Variants in ATP11B observed in about 807,000 individuals in gnomAD.
ATP11B encodes the protein phospholipid-transporting ATPase IF.
ATP11B carries 81 observed loss-of-function variants against 157.8 expected under a neutral mutation model. That is an observed-to-expected ratio of 0.51 (90% CI 0.43 to 0.62). ATP11B has a LOEUF of 0.62. Among genes scored for constraint, ATP11B ranks in the 20% least tolerant of loss-of-function variants. The pLI is 0.00. For missense variants in ATP11B, 1,165 were observed against 1,402.2 expected (o/e 0.83, Z 2.70); for synonymous variants, 451 against 469.4 (o/e 0.96, Z 0.51).
intron 2 of ATP11B, 80 bp downstream of exon 2, chr3:182,820,456 A>T: frequency 1.0e-6 from 1 of 959,772 alleles, no homozygotes; most frequent in Non-Finnish European, 1.7e-6. Flanking sequence ...GGCCAAGGCG[A>T]GAGGATCGGT....
chr3:182,884,299 TTA>T (rs1372786852), intron 21 of ATP11B, among the ~76,000 whole-genome samples: 1 of 152,148 alleles, frequency 6.6e-6, no homozygotes, highest in Admixed American at 6.5e-5. Context: ...GCACTTTGAC[TTA>T]TTCATGGAAG....
chr3:182,859,013 T>C, intron 11 of ATP11B, 149 bp from the exon 12 acceptor site: 1 of 516,414 alleles, frequency 1.9e-6, no homozygotes. Flanking sequence ...GACAATTCAA[T>C]AAATGAATTT....
intron 1 of ATP11B, among the ~76,000 whole-genome samples, chr3:182,816,357 G>A (rs1267590457): frequency 6.6e-6 from 1 of 152,196 alleles, no homozygotes; most frequent in African/African-American, 2.4e-5. Flanking sequence ...GCATTAAGGG[G>A]TTGAGGGTGT....
chr3:182,906,777 TAAA>T (rs111914016), intron 28 of ATP11B, among the ~76,000 whole-genome samples: 41,947 of 133,578 alleles, frequency 0.31, 6,396 homozygotes, highest in East Asian at 0.57. Flanking sequence ...GTATCTGTTT[TAAA>T]AAAAAAAAAA....
intron 17 of ATP11B, among the ~76,000 whole-genome samples, chr3:182,871,757 CT>C (rs1287838865): frequency 1.2e-4 from 18 of 151,946 alleles, no homozygotes. Flanking sequence ...ATAGGATAGT[CT>C]TTATGATCTA....
intron 2 of ATP11B, among the ~76,000 whole-genome samples, chr3:182,822,291 C>T (rs184401163): frequency 6.4e-4 from 98 of 152,170 alleles, no homozygotes; most frequent in African/African-American, 2.3e-3. Context: ...CGAGAGGCCC[C>T]AGTGTGTGAT....
rs942984211 is a variant in ATP11B, at chr3:182,793,697, G to T, written c.-63G>T. The T allele has an allele frequency of 1.6e-5, 19 of 1,224,964 alleles. No individual in the cohort carries two copies. The highest frequency in any genetic ancestry group is 1.9e-5 in the Non-Finnish European group (17 of 912,790). The allele number at this position is 1,224,964 out of a possible 1,614,324, so 75.9% of individuals were successfully genotyped here. A position where few individuals can be genotyped will look rare whatever the true frequency, so the allele number is the denominator to read the frequency against. ...CGCCCGCTCCCGCCTCTGTCTTGTC[G>T]GCCTCCACCTGCAGCCCCGCGGCCC... is the stretch of plus-strand genomic sequence containing the variant. On this transcript the variant is annotated 5_prime_UTR_variant, in exon 1 of 30. Transcript: ENST00000323116.
rs1207631894 is a variant in ATP11B at position 182,872,413 on chromosome 3, G to A, written c.1924G>A (p.Glu642Lys). The A allele has an allele frequency of 1.2e-6, 2 of 1,613,818 alleles. No homozygotes were observed. The highest frequency in any genetic ancestry group is 1.7e-6 in the Non-Finnish European group (2 of 1,179,884). ...AAAATTTACATCAAAAGAGTATGAG[G>A]AAATAGATAAACGCATATTTGAAGC... is the stretch of plus-strand genomic sequence containing the variant. ...YRKFTSKEYE[E>K]IDKRIFEART... The change falls in exon 18 of 30, where the codon GAA becomes AAA. Residue 642 changes from glutamate (E) to lysine (K), a missense_variant. Glu to Lys is a moderately conservative substitution (Grantham distance 56, BLOSUM62 1). Coordinates refer to ENST00000323116, the MANE Select transcript of ATP11B (RefSeq NM_014616.3).
chr3:182,808,470 T>A (rs1002473729), intron 1 of ATP11B, among the ~76,000 whole-genome samples: 32 of 152,112 alleles, frequency 2.1e-4, no homozygotes, highest in African/African-American at 7.5e-4. Context: ...ATTTTTTTTT[T>A]AAAGAGGGAA....
chr3:182,853,740 T>G (rs575963871), intron 10 of ATP11B, among the ~76,000 whole-genome samples: 1 of 152,148 alleles, frequency 6.6e-6, no homozygotes, highest in South Asian at 2.1e-4. Flanking sequence ...ACTGTGTAGA[T>G]TCCCTCAGTC....
At chr3:182,881,019 T>A in intron 21 of ATP11B, 38 bp downstream of exon 21, 2 of 1,440,456 alleles carry the variant, frequency 1.4e-6, no homozygotes, top group Non-Finnish European at 1.9e-6. Context: ...CCTGAACTTT[T>A]AAAGTTGGTG....
At chr3:182,868,352 G>A (rs1425060871) in intron 15 of ATP11B, among the ~76,000 whole-genome samples, 1 of 148,256 alleles carries the variant, frequency 6.7e-6, no homozygotes, top group South Asian at 2.2e-4. Context: ...ATACTAGATA[G>A]GGCCCATTCT....
At chr3:182,844,449 C>A in intron 8 of ATP11B, 3 of 517,156 alleles carry the variant, frequency 5.8e-6, no homozygotes, top group Non-Finnish European at 7.5e-6. Context: ...AAAATAATTG[C>A]TTTTTAACTT....
At chr3:182,891,878 C>T (rs943771763) in intron 25 of ATP11B, among the ~76,000 whole-genome samples, 2 of 152,182 alleles carry the variant, frequency 1.3e-5, no homozygotes, top group African/African-American at 4.8e-5. Context: ...ACTCAGTTTT[C>T]TCACCTGTGA....
chr3:182,889,743 CGAAAT>C (rs761108507), intron 25 of ATP11B, among the ~76,000 whole-genome samples, 195 bp downstream of exon 25: 46 of 152,156 alleles, frequency 3.0e-4, no homozygotes, highest in South Asian at 6.2e-4. Flanking sequence ...AGTGTAATCT[CGAAAT>C]GAAACTCAAG....
intron 28 of ATP11B, among the ~76,000 whole-genome samples, chr3:182,903,515 A>G (rs1004642450): frequency 6.6e-6 from 1 of 152,188 alleles, no homozygotes. Flanking sequence ...GAGCTGTTTA[A>G]AGATTTACTA....
chr3:182,916,898 T>G (rs1725177136), intron 29 of ATP11B: 1 of 982,028 alleles, frequency 1.0e-6, no homozygotes, highest in Non-Finnish European at 1.2e-6. Context: ...TTGTCCCCTG[T>G]AAATACTTAC....
At chr3:182,894,420 A>G (rs1420399819) in intron 25 of ATP11B, among the ~76,000 whole-genome samples, 3 of 152,114 alleles carry the variant, frequency 2.0e-5, no homozygotes, top group Non-Finnish European at 2.9e-5. Context: ...TCCCAACCTC[A>G]GGTGATCCGC....
At chr3:182,822,712 G>A (rs905404209) in intron 2 of ATP11B, among the ~76,000 whole-genome samples, 1 of 152,150 alleles carries the variant, frequency 6.6e-6, no homozygotes, top group African/African-American at 2.4e-5. Context: ...CACAATCGTT[G>A]AACTAGTTTA....
Sources: allele counts gnomAD v4.1 joint callset (sites outside exome capture counted in the v4.1 genomes callset), GRCh38; gene constraint gnomAD v4.1.1; transcripts MANE v1.5; gene names NCBI Gene and HGNC (gene_info 2026-07-23, HGNC 2026-07-21).